Variants in ZZZ3 observed in about 807,000 individuals in gnomAD.
ZZZ3 encodes zinc finger ZZ-type containing 3, also known as ZZ-type zinc finger-containing protein 3.
ZZZ3 carries 22 observed loss-of-function variants against 95.2 expected under a neutral mutation model. The observed-to-expected ratio is 0.23, with a 90% CI of 0.17 to 0.33. The LOEUF is 0.33. Ranked by LOEUF, ZZZ3 falls within the 10% of genes least tolerant of loss-of-function variation. The probability of loss-of-function intolerance (pLI) is 1.00; values close to 1 mark genes in which losing one functional copy is unlikely to be tolerated. For synonymous variants in ZZZ3, 335 were observed against 358.9 expected, an observed-to-expected ratio of 0.93 and a Z score of 0.75; for missense variants, 885 against 1,066.5, an observed-to-expected ratio of 0.83 and a Z score of 2.37.
chr1:77,628,195 T>C lies in ZZZ3; in HGVS notation c.1505+3655A>G, dbSNP rs550864348. Among the ~76,000 whole-genome samples, 9 of 152,316 alleles carry C rather than the reference T, an allele frequency of 5.9e-5. No individual in the cohort carries two copies. The South Asian group carries it at 1.7e-3, about 28-fold the overall frequency. On this transcript the variant is annotated intron_variant, in intron 5 of 14. Transcript: ENST00000370801. ...AAATAATCTCATTCAGTGAGGCTAT[T>C]TAAGCCTAAAAAGAAATCATTAGGT...
Position 77,570,098 on chromosome 1 carries a change from GTTTTTCTTT to G in ZZZ3, c.2332-1641_2332-1633del, listed in dbSNP as rs916522183. ...GTCAGAAATCTAAGTGTTATCCTCA[GTTTTTCTTT>G]TTTTTCTTTTTTTGAGACAGAGTTT... On this transcript the variant is annotated intron_variant, in intron 12 of 14. Coordinates refer to ENST00000370801, the MANE Select transcript of ZZZ3 (RefSeq NM_015534.6). 1.5e-4 allele frequency among the ~76,000 whole-genome samples: 23 copies of G among 152,016 alleles called. 1 individual carries two copies. The highest frequency in any genetic ancestry group is 8.3e-4 in the South Asian group (4 of 4,814).
rs1489592434 is a variant in ZZZ3 at position 77,632,336 on chromosome 1, T to A, written c.1019A>T (p.Asp340Val). 2.5e-6 allele frequency: 4 copies of A among 1,614,156 alleles called. No individual in the cohort carries two copies. The highest frequency in any genetic ancestry group is 2.5e-6 in the Non-Finnish European group (3 of 1,180,020). The change falls in exon 5 of 15, where the codon GAC (aspartate) becomes GTC (valine). Residue 340 changes from aspartate to valine, a missense_variant. By Grantham distance (152) the Asp-to-Val change is radical. Transcript: ENST00000370801. ...GGCTGGCATACTCTCAAGACTTGTG[T>A]CCAGTTCGTTATTGGTGTTTTCTTT... Reference protein sequence around the residue: ...QCKENTNNELDTSLESMPASG... With the variant: ...QCKENTNNELVTSLESMPASG...
At chr1:77,676,091 T>G (rs1672241007) in intron 1 of ZZZ3, among the ~76,000 whole-genome samples, 1 of 152,210 alleles carries the variant, frequency 6.6e-6, no homozygotes, top group Non-Finnish European at 1.5e-5. Flanking sequence ...AAACTGTTAA[T>G]CTTAGGAGTT....
chr1:77,680,482 C>T (rs1176449110), intron 1 of ZZZ3, among the ~76,000 whole-genome samples: 1 of 152,174 alleles, frequency 6.6e-6, no homozygotes, highest in Non-Finnish European at 1.5e-5. Context: ...TTCTATTCCT[C>T]AACATTTCTA....
intron 1 of ZZZ3, among the ~76,000 whole-genome samples, chr1:77,679,188 A>C (rs1366300188): frequency 6.6e-6 from 1 of 152,224 alleles, no homozygotes; most frequent in East Asian, 1.9e-4. Context: ...AACTACAGAA[A>C]TTTGCACCAG....
chr1:77,571,518 G>A (rs1416798731), intron 12 of ZZZ3, among the ~76,000 whole-genome samples: 2 of 152,146 alleles, frequency 1.3e-5, no homozygotes, highest in African/African-American at 4.8e-5. Flanking sequence ...TAGCCAAAAG[G>A]TGGAAGCAAC....
intron 12 of ZZZ3, among the ~76,000 whole-genome samples, chr1:77,572,396 T>C (rs1661485825): frequency 6.6e-6 from 1 of 152,240 alleles, no homozygotes; most frequent in Non-Finnish European, 1.5e-5. Flanking sequence ...TGGAGTGCAG[T>C]GGCACGATCT....
rs150518621 is a variant in ZZZ3 at position 77,603,223 on chromosome 1, C to T, written c.1506-18568G>A. ...CCTCCCAAGTAGCTGGGACTACAGGCGCAAGCCACAATGCCCAGCTATTTT... is the reference window on the plus strand; with the variant it reads ...CCTCCCAAGTAGCTGGGACTACAGGTGCAAGCCACAATGCCCAGCTATTTT... On this transcript the variant is annotated intron_variant, in intron 5 of 14. Coordinates refer to ENST00000370801, the MANE Select transcript of ZZZ3 (RefSeq NM_015534.6). Among the ~76,000 whole-genome samples the T allele has an allele frequency of 9.5e-4, 144 of 152,126 alleles. 1 individual carries two copies. The highest frequency in any genetic ancestry group is 3.2e-3 in the African/African-American group (131 of 41,526).
intron 4 of ZZZ3, among the ~76,000 whole-genome samples, chr1:77,639,107 ACAGT>A (rs1363431847): frequency 3.3e-5 from 5 of 152,146 alleles, no homozygotes; most frequent in Admixed American, 2.6e-4. Flanking sequence ...AGATAAGCGG[ACAGT>A]CAGACAGACA....
chr1:77,635,079 C>G (rs539899586), intron 4 of ZZZ3, among the ~76,000 whole-genome samples: 1 of 152,274 alleles, frequency 6.6e-6, no homozygotes, highest in African/African-American at 2.4e-5. Flanking sequence ...CTTGCTTCAA[C>G]TAGAACTATC....
At chr1:77,587,862 A>G (rs1051518589) in intron 5 of ZZZ3, among the ~76,000 whole-genome samples, 2 of 152,356 alleles carry the variant, frequency 1.3e-5, no homozygotes, top group East Asian at 1.9e-4. Flanking sequence ...CAACGTGAGG[A>G]CAATGAGGGT....
chr1:77,586,117 G>A (rs759170787), intron 5 of ZZZ3, among the ~76,000 whole-genome samples: 9 of 152,178 alleles, frequency 5.9e-5, no homozygotes, highest in Admixed American at 2.0e-4. Flanking sequence ...TGAGGTGTAT[G>A]CAGTGTACAA....
In ZZZ3 at chr1:77,563,492, T is replaced by A. The variant is rs1660583741; in HGVS notation, c.*2148A>T. ...GAAAAATCTTCTTAACTCAAAAATC[T>A]CAAAAAATGTTTGCCCTAGAAAAAT... On this transcript the variant is annotated 3_prime_UTR_variant, in exon 15 of 15. Transcript: ENST00000370801. The A allele has an allele frequency of 6.6e-6, 1 of 152,096 alleles. No homozygotes were observed. The highest frequency in any genetic ancestry group is 2.1e-4 in the South Asian group (1 of 4,834). The allele number at this position is 152,096 out of a possible 1,614,324, so 9.4% of individuals were successfully genotyped here.
Position 77,582,018 on chromosome 1 carries a change from T to C in ZZZ3, c.1753A>G (p.Lys585Glu), listed in dbSNP as rs1557696944. 1 of 1,610,774 alleles carries C rather than the reference T, an allele frequency of 6.2e-7. No individual in the cohort carries two copies. Among genetic ancestry groups the C allele is most frequent in the Non-Finnish European group, 8.5e-7 (1 of 1,177,278 alleles). Residue 585 changes from lysine (K) to glutamate (E), a missense_variant, in exon 7 of 15, where the codon AAA becomes GAA. Physicochemically the swap from Lys to Glu is moderately conservative, Grantham distance 56 (BLOSUM62 1). Transcript: ENST00000370801. The part of the protein sequence containing the change: ...GNFEREFKNR[K>E]RHTRRVKLVF... ...AGCTTAACTCTTCTAGTATGTCTTTTACGATTTTTAAATTCTCTTTCAAAA... is the reference window on the plus strand; with the variant it reads ...AGCTTAACTCTTCTAGTATGTCTTTCACGATTTTTAAATTCTCTTTCAAAA...
intron 1 of ZZZ3, among the ~76,000 whole-genome samples, chr1:77,643,622 T>C (rs1047392803): frequency 6.6e-6 from 1 of 152,202 alleles, no homozygotes; most frequent in Admixed American, 6.5e-5. Flanking sequence ...CAATCTTCAC[T>C]GAAAAGAATT....
intron 12 of ZZZ3, among the ~76,000 whole-genome samples, chr1:77,574,982 G>A (rs1661779156): frequency 6.6e-6 from 1 of 152,086 alleles, no homozygotes; most frequent in African/African-American, 2.4e-5. Flanking sequence ...TCAGGACATC[G>A]AGAATATCCT....
intron 1 of ZZZ3, among the ~76,000 whole-genome samples, chr1:77,662,636 T>G (rs1428891275): frequency 6.6e-6 from 1 of 151,962 alleles, no homozygotes; most frequent in East Asian, 1.9e-4. Context: ...TCAAGAAATT[T>G]GAGGCCAGGC....
chr1:77,588,864 G>A (rs1375156442), intron 5 of ZZZ3, among the ~76,000 whole-genome samples: 1 of 152,280 alleles, frequency 6.6e-6, no homozygotes, highest in Non-Finnish European at 1.5e-5. Flanking sequence ...ACTTACTTGT[G>A]TCAAAGAATT....
chr1:77,682,929 T>A (rs1672932508), upstream of ZZZ3, among the ~76,000 whole-genome samples: 3 of 152,182 alleles, frequency 2.0e-5, no homozygotes, highest in Non-Finnish European at 2.9e-5. Context: ...CGCAGTGCGC[T>A]GCCCCAGGCA....
Sources: gnomAD v4.1 joint callset for allele counts (sites outside exome capture counted in the v4.1 genomes callset) on GRCh38, gnomAD v4.1.1 for gene constraint, MANE v1.5 for transcripts, NCBI Gene and HGNC (gene_info 2026-07-23, HGNC 2026-07-21) for gene names.